MAD1L1: variants seen among roughly 807,000 people sequenced by gnomAD.
MAD1L1 encodes mitotic spindle assembly checkpoint protein MAD1.
A neutral mutation model predicts 96.9 loss-of-function variants in MAD1L1; 95 were observed. The observed-to-expected ratio is 0.98, with a 90% confidence interval of 0.83 to 1.16. The LOEUF (loss-of-function observed/expected upper bound fraction) is 1.16. Among genes scored for constraint, MAD1L1 ranks in the 50% most tolerant of loss-of-function variants. The pLI is 0.00. For missense variants in MAD1L1, 1,007 were observed against 954.4 expected (o/e 1.06, Z -0.73); for synonymous variants, 473 against 396.6 (o/e 1.19, Z -2.29).
intron 11 of MAD1L1, among the ~76,000 whole-genome samples, chr7:2,069,700 G>A (rs938193079): frequency 6.6e-6 from 1 of 152,192 alleles, no homozygotes; most frequent in Admixed American, 6.5e-5. Flanking sequence ...AGCGTGGTGC[G>A]GGGAAGCAAG....
chr7:2,100,702 A>G (rs1406538463), intron 11 of MAD1L1, among the ~76,000 whole-genome samples: 1 of 152,250 alleles, frequency 6.6e-6, no homozygotes, highest in Non-Finnish European at 1.5e-5. Flanking sequence ...CCCAAGCCCC[A>G]GGTCCTGGCC....
At chr7:2,152,021 G>GGGTGCC (rs200146416) in intron 10 of MAD1L1, among the ~76,000 whole-genome samples, 2,801 of 152,246 alleles carry the variant, frequency 0.018, 88 homozygotes, top group African/African-American at 0.064. Context: ...GGCTGCTTCC[G>GGGTGCC]GGTGGCTCCC....
At chr7:1,903,614 C>G (rs1424064395) in intron 17 of MAD1L1, among the ~76,000 whole-genome samples, 3 of 144,672 alleles carry the variant, frequency 2.1e-5, no homozygotes, top group South Asian at 2.2e-4. Context: ...TGAAGAAGCT[C>G]TTGCAGAACT....
chr7:1,887,936 CGTGT>C, intron 18 of MAD1L1, among the ~76,000 whole-genome samples: 2 of 140,918 alleles, frequency 1.4e-5, no homozygotes, highest in Middle Eastern at 8.3e-3. Flanking sequence ...TGCCTGTGCA[CGTGT>C]GTGTATGCAC....
chr7:1,895,597 C>T (rs544270463), intron 18 of MAD1L1, among the ~76,000 whole-genome samples: 1 of 152,266 alleles, frequency 6.6e-6, no homozygotes, highest in Non-Finnish European at 1.5e-5. Flanking sequence ...AAAGCAACCT[C>T]GTTCCCTGAC....
At chr7:2,002,673 C>T (rs1203301869) in intron 13 of MAD1L1, among the ~76,000 whole-genome samples, 1 of 152,216 alleles carries the variant, frequency 6.6e-6, no homozygotes, top group African/African-American at 2.4e-5. Flanking sequence ...GGGCACCAGG[C>T]TTGACCCCAC....
At chr7:1,983,703 C>CGTCCAG (rs1781028365) in intron 14 of MAD1L1, among the ~76,000 whole-genome samples, 1 of 152,206 alleles carries the variant, frequency 6.6e-6, no homozygotes, top group Admixed American at 6.5e-5. Flanking sequence ...ACGTATCCAC[C>CGTCCAG]GTCCAGATCA....
At chr7:2,214,797 C>T (rs750748294) in intron 9 of MAD1L1, among the ~76,000 whole-genome samples, 19 of 152,246 alleles carry the variant, frequency 1.2e-4, no homozygotes, top group Non-Finnish European at 2.8e-4. Flanking sequence ...TTCCTACCAA[C>T]TGCCGCGGTG....
At chr7:2,066,547 C>T (rs1192162491) in intron 12 of MAD1L1, among the ~76,000 whole-genome samples, 9 of 152,320 alleles carry the variant, frequency 5.9e-5, no homozygotes, top group East Asian at 1.9e-4. Flanking sequence ...GAGGCTGGCG[C>T]GGGCCAGAAA....
At chr7:2,116,481 G>T (rs1206199203) in intron 11 of MAD1L1, among the ~76,000 whole-genome samples, 1 of 151,284 alleles carries the variant, frequency 6.6e-6, no homozygotes, top group African/African-American at 2.4e-5. Flanking sequence ...GAATGCCAGG[G>T]CAGGGAAACC....
At chr7:2,051,186 C>T (rs1287919765) in intron 12 of MAD1L1, among the ~76,000 whole-genome samples, 1 of 152,178 alleles carries the variant, frequency 6.6e-6, no homozygotes, top group Admixed American at 6.5e-5. Context: ...CCCTGCAGGC[C>T]CTGCTTGTGT....
chr7:2,127,895 T>C (rs943443616), intron 11 of MAD1L1, among the ~76,000 whole-genome samples: 2 of 152,104 alleles, frequency 1.3e-5, no homozygotes, highest in Non-Finnish European at 2.9e-5. Context: ...CCAGAGCCGG[T>C]CTGAACTGAC....
At chr7:2,000,634 G>T (rs1781752330) in intron 14 of MAD1L1, among the ~76,000 whole-genome samples, 1 of 152,214 alleles carries the variant, frequency 6.6e-6, no homozygotes, top group Non-Finnish European at 1.5e-5. Flanking sequence ...ACCACCGGAA[G>T]TTCTGTCTTT....
chr7:1,919,083 C>G (rs1157326118), intron 17 of MAD1L1, among the ~76,000 whole-genome samples: 2 of 152,252 alleles, frequency 1.3e-5, no homozygotes, highest in Non-Finnish European at 2.9e-5. Context: ...TCCTATCGTT[C>G]AGTCCCAGGA....
chr7:1,937,399 C>G (rs1778671124), intron 16 of MAD1L1, among the ~76,000 whole-genome samples: 2 of 152,194 alleles, frequency 1.3e-5, no homozygotes, highest in South Asian at 4.1e-4. Context: ...GCGTGGGTGG[C>G]TCAGGAATGC....
At chr7:2,063,632 T>C (rs1784757338) in intron 12 of MAD1L1, among the ~76,000 whole-genome samples, 1 of 152,128 alleles carries the variant, frequency 6.6e-6, no homozygotes, top group Non-Finnish European at 1.5e-5. Flanking sequence ...CCAGGAGAGA[T>C]GAAAATAACC....
At chr7:2,171,402 C>A (rs1790697947) in intron 10 of MAD1L1, among the ~76,000 whole-genome samples, 1 of 152,242 alleles carries the variant, frequency 6.6e-6, no homozygotes, top group South Asian at 2.1e-4. Context: ...CACAAAGATT[C>A]CTCAACCTCA....
intron 10 of MAD1L1, among the ~76,000 whole-genome samples, chr7:2,200,889 G>C (rs1792258308): frequency 6.6e-6 from 1 of 152,212 alleles, no homozygotes; most frequent in Admixed American, 6.5e-5. Flanking sequence ...GCAGGAGCTG[G>C]GAGGAGCGGG....
At chr7:2,133,612 G>A (rs1234565976) in intron 11 of MAD1L1, among the ~76,000 whole-genome samples, 1 of 152,212 alleles carries the variant, frequency 6.6e-6, no homozygotes, top group East Asian at 1.9e-4. Context: ...TACGTTAAAA[G>A]TCACTGCCTA....
Sources: allele counts gnomAD v4.1 joint callset (sites outside exome capture counted in the v4.1 genomes callset), GRCh38; gene constraint gnomAD v4.1.1; transcripts MANE v1.5; gene names NCBI Gene and HGNC (gene_info 2026-07-23, HGNC 2026-07-21).